The following AFAP1L1 variants were observed in gnomAD, a reference collection of about 807,000 sequenced individuals.
AFAP1L1 encodes the protein actin filament associated protein 1 like 1.
AFAP1L1 carries 77 observed loss-of-function variants against 99.8 expected under a neutral mutation model. The ratio of observed to expected loss-of-function variants is 0.77; its 90% CI spans 0.64 to 0.93. The LOEUF (loss-of-function observed/expected upper bound fraction) is 0.93, where lower values mean the gene tolerates loss of function less well. Among genes scored for constraint, AFAP1L1 ranks in the 40% least tolerant of loss-of-function variants. The probability of loss-of-function intolerance (pLI) is 0.00; values close to 1 mark genes in which losing one functional copy is unlikely to be tolerated. For missense variants in AFAP1L1, 893 were observed against 996.8 expected, an observed-to-expected ratio of 0.90 and a Z score of 1.40; for synonymous variants, 373 against 395.3, an observed-to-expected ratio of 0.94 and a Z score of 0.67.
rs765955300 is a variant in AFAP1L1 at position 149,302,457 on chromosome 5, C to G, written c.367C>G (p.Pro123Ala). 7.5e-6 allele frequency: 12 copies of G among 1,596,754 alleles called. No individual in the cohort carries two copies. The highest frequency in any genetic ancestry group is 5.7e-5 in the South Asian group (5 of 87,598). The change falls in exon 5 of 19, where the codon CCT becomes GCT. Residue 123 changes from proline to alanine, a missense_variant. Physicochemically the swap from Pro to Ala is conservative, Grantham distance 27. Transcript: ENST00000296721. ...TCCACCGCTCCCCAACAAGCCTCCC[C>G]CTGAGGACTACTATGAAGAGGCCCT... is the stretch of plus-strand genomic sequence containing the variant. ...LPPPLPNKPP[P>A]EDYYEEALPL...
At chr5:149,309,825 T>C (rs1036259830) in intron 7 of AFAP1L1, 131 bp from the exon 8 acceptor site, 37 of 1,108,844 alleles carry the variant, frequency 3.3e-5, no homozygotes, top group Non-Finnish European at 4.7e-5. Flanking sequence ...CCTCACACAG[T>C]GCCCATGGCT....
rs1197647972 is a variant in AFAP1L1 at position 149,339,136 on chromosome 5, CA to C, written c.2284-869del. Among the ~76,000 whole-genome samples, 36 of 144,016 alleles carry C rather than the reference CA, an allele frequency of 2.5e-4. No homozygotes were observed. The East Asian group carries it at 3.6e-3, about 15-fold the overall frequency. The allele number at this position is 144,016 out of a possible 152,430, so 94.5% of individuals were successfully genotyped here. The stretch of plus-strand genomic sequence containing the variant: ...ATTGTCGCATGAAAATAGCCATGGA[CA>C]ATATGAAAATGATGATGAAAATGGC... On this transcript the variant is annotated intron_variant, in intron 18 of 18. Transcript: ENST00000296721.
At position 149,340,931 on chromosome 5, in the gene AFAP1L1, C is replaced by T. The variant is rs933463186; in HGVS notation, c.*901C>T. ...TTGCACTCAGAGGCCCACTAGTTTGCCCTTCTATATATTAAGTAAAACCAA... is the reference window on the plus strand; with the variant it reads ...TTGCACTCAGAGGCCCACTAGTTTGTCCTTCTATATATTAAGTAAAACCAA... On this transcript the variant is annotated 3_prime_UTR_variant, in exon 19 of 19. Transcript: ENST00000296721. 1 of 152,130 alleles carries T rather than the reference C, an allele frequency of 6.6e-6. No individual in the cohort carries two copies. Among genetic ancestry groups the T allele is most frequent in the African/African-American group, 2.4e-5 (1 of 41,428 alleles). 9.4% of individuals were successfully genotyped at this position (152,130 alleles called of 1,614,324 possible).
chr5:149,322,530 CA>C (rs1756978999), intron 14 of AFAP1L1, 75 bp from the exon 15 acceptor site: 1 of 1,049,208 alleles, frequency 9.5e-7, no homozygotes, highest in Non-Finnish European at 1.4e-6. Context: ...CCATACTGAG[CA>C]AAGACCGCAA....
rs946496140 is a variant in AFAP1L1, at chr5:149,342,861, G to A, written c.*2831G>A. On this transcript the variant is annotated 3_prime_UTR_variant, in exon 19 of 19. Transcript: ENST00000296721. ...CGGGAGGTGGAGGTTGCAGTGAGCC[G>A]AGATCGCACCACTGCACTCCAGCCT... Among the ~76,000 whole-genome samples, 9 of 151,706 alleles carry A rather than the reference G, an allele frequency of 5.9e-5. No homozygotes were observed. The highest frequency in any genetic ancestry group is 3.3e-4 in the Admixed American group (5 of 15,234).
chr5:149,305,014 T>C (rs1223548043), intron 5 of AFAP1L1, among the ~76,000 whole-genome samples: 2 of 152,218 alleles, frequency 1.3e-5, no homozygotes, highest in Non-Finnish European at 2.9e-5. Context: ...TGATCCAGGC[T>C]CTGTCACCAG....
intron 1 of AFAP1L1, among the ~76,000 whole-genome samples, chr5:149,272,640 A>T (rs1211785941): frequency 6.6e-6 from 1 of 152,184 alleles, no homozygotes; most frequent in Non-Finnish European, 1.5e-5. Context: ...GACTTACTGA[A>T]ATTGAGATTG....
At chr5:149,307,719 C>A in intron 7 of AFAP1L1, 106 bp downstream of exon 7, 1 of 1,235,324 alleles carries the variant, frequency 8.1e-7, no homozygotes. Flanking sequence ...CCTGGATTGA[C>A]TGTGTGCACA....
In AFAP1L1 at chr5:149,340,136, C is replaced by T. The variant is rs780318298; in HGVS notation, c.*106C>T. 77 of 1,376,294 alleles carry T rather than the reference C, an allele frequency of 5.6e-5. No individual in the cohort carries two copies. Among genetic ancestry groups the T allele is most frequent in the South Asian group, 1.4e-4 (11 of 80,378 alleles). The allele number at this position is 1,376,294 out of a possible 1,614,324, so 85.3% of individuals were successfully genotyped here. A position where few individuals can be genotyped will look rare whatever the true frequency, so the allele number is the denominator to read the frequency against. Reference sequence around the variant, plus strand: ...CAAGAGAAGACTAGGAAGTAGCCCTCGTTCTCCAGGGCACCCAAAATACCA... The same window carrying T: ...CAAGAGAAGACTAGGAAGTAGCCCTTGTTCTCCAGGGCACCCAAAATACCA... On this transcript the variant is annotated 3_prime_UTR_variant, in exon 19 of 19. Coordinates refer to ENST00000296721, the MANE Select transcript of AFAP1L1 (RefSeq NM_152406.4).
chr5:149,301,407 G>A (rs1013240181), intron 4 of AFAP1L1, among the ~76,000 whole-genome samples, 177 bp downstream of exon 4: 2 of 152,182 alleles, frequency 1.3e-5, no homozygotes, highest in Non-Finnish European at 2.9e-5. Context: ...CCCGTGATGT[G>A]CTCGCTGTGT....
Position 149,301,131 on chromosome 5 carries a change from A to T in AFAP1L1, c.230-2A>T, listed in dbSNP as rs1485545670. Reference sequence around the variant, plus strand: ...TTTGCCCAATGGCCTGTCCCTCTGTAGACTGTGACCTGAGTGACCTTCGGG... The same window carrying T: ...TTTGCCCAATGGCCTGTCCCTCTGTTGACTGTGACCTGAGTGACCTTCGGG... On this transcript the variant is annotated splice_acceptor_variant, in intron 3 of 18. Transcript: ENST00000296721. LOFTEE classifies it high-confidence loss of function. 2 of 1,613,554 alleles carry T rather than the reference A, an allele frequency of 1.2e-6. No individual in the cohort carries two copies. Among genetic ancestry groups the T allele is most frequent in the Non-Finnish European group, 1.7e-6 (2 of 1,179,776 alleles).
At chr5:149,313,276 C>T (rs1162392461) in intron 9 of AFAP1L1, among the ~76,000 whole-genome samples, 1 of 152,168 alleles carries the variant, frequency 6.6e-6, no homozygotes, top group Non-Finnish European at 1.5e-5. Context: ...CCAAGTCCTC[C>T]CCTTAAGGAG....
chr5:149,332,814 C>T lies in AFAP1L1; in HGVS notation c.2095C>T (p.Gln699Ter), dbSNP rs376381928. ...GGTGGCTGTGAAGGAGCGCTTGCAG[C>T]AGTCCCTGGCAGGAGGGCCAGCCCT... is the stretch of plus-strand genomic sequence containing the variant. Reference protein sequence around the residue: ...KLVAVKERLQQSLAGGPALGL... With the variant: ...KLVAVKERLQ Residue 699 changes from glutamine to a stop codon, truncating the protein, a stop_gained, in exon 17 of 19, where the codon CAG becomes TAG. Transcript: ENST00000296721. LOFTEE classifies it high-confidence loss of function. The T allele has an allele frequency of 7.4e-6, 12 of 1,612,228 alleles. No individual in the cohort carries two copies. Among genetic ancestry groups the T allele is most frequent in the African/African-American group, 1.3e-5 (1 of 74,910 alleles).
Position 149,300,330 on chromosome 5 carries a change from G to A in AFAP1L1, c.205G>A (p.Val69Met), listed in dbSNP as rs780204672. Residue 69 changes from valine to methionine, a missense_variant, in exon 3 of 19, where the codon GTG (valine) becomes ATG (methionine). Transcript: ENST00000296721. ...AGACCTCCACTCGGGGCCCAGCTTCGTGGAATCCCTCTTTGAAGAATTTGG... is the reference window on the plus strand; with the variant it reads ...AGACCTCCACTCGGGGCCCAGCTTCATGGAATCCCTCTTTGAAGAATTTGG... ...TADLHSGPSF[V>M]ESLFEEFDCD... The A allele has an allele frequency of 3.3e-5, 54 of 1,613,220 alleles. No homozygotes were observed. The highest frequency in any genetic ancestry group is 5.0e-5 in the Admixed American group (3 of 59,964).
intron 1 of AFAP1L1, among the ~76,000 whole-genome samples, chr5:149,272,520 G>C (rs1362769174): frequency 6.6e-6 from 1 of 152,172 alleles, no homozygotes; most frequent in East Asian, 1.9e-4. Flanking sequence ...CTGTGTCCTC[G>C]GCCCAGCCCT....
At chr5:149,284,475 C>T (rs1348506203) in intron 1 of AFAP1L1, among the ~76,000 whole-genome samples, 2 of 152,270 alleles carry the variant, frequency 1.3e-5, no homozygotes, top group Non-Finnish European at 1.5e-5. Flanking sequence ...AAGAAGCAGT[C>T]AACTTTTTGA....
At chr5:149,336,485 T>G (rs1315029366) in intron 18 of AFAP1L1, among the ~76,000 whole-genome samples, 2 of 152,218 alleles carry the variant, frequency 1.3e-5, no homozygotes, top group Non-Finnish European at 2.9e-5. Flanking sequence ...TACCTGAACC[T>G]GGATCATTTA....
intron 12 of AFAP1L1, 40 bp from the exon 13 acceptor site, chr5:149,319,542 A>G (rs1212466811): frequency 6.4e-7 from 1 of 1,562,740 alleles, no homozygotes. Flanking sequence ...GAGCCCTGAC[A>G]GTAGGAAAAT....
chr5:149,306,987 C>A (rs556496018), intron 6 of AFAP1L1, among the ~76,000 whole-genome samples: 91 of 152,290 alleles, frequency 6.0e-4, no homozygotes, highest in African/African-American at 2.0e-3. Flanking sequence ...TGGCTCACAC[C>A]TGTAATCCCA....
Sources: gnomAD v4.1 joint callset for allele counts (sites outside exome capture counted in the v4.1 genomes callset) on GRCh38, gnomAD v4.1.1 for gene constraint, MANE v1.5 for transcripts, NCBI Gene and HGNC (gene_info 2026-07-23, HGNC 2026-07-21) for gene names.